The following TNR variants were observed in gnomAD, a reference collection of about 807,000 sequenced individuals.
The protein encoded by TNR is tenascin R, also known as tenascin-R.
A neutral mutation model predicts 150.4 loss-of-function variants in TNR; 45 were observed. The observed-to-expected ratio is 0.30, with a 90% CI of 0.24 to 0.38. The LOEUF is 0.38. TNR is among the 10% of genes least tolerant of loss of function. TNR has a pLI of 1.00. For missense variants in TNR, 1,544 were observed against 1,759.1 expected (o/e 0.88, Z 2.19); for synonymous variants, 687 against 678.4 (o/e 1.01, Z -0.20).
At position 175,692,344 on chromosome 1, in the gene TNR, G is replaced by A. The variant is rs138821535; in HGVS notation, c.-165+50882C>T. Among the ~76,000 whole-genome samples, 35 of 152,320 alleles carry A rather than the reference G, an allele frequency of 2.3e-4. 1 individual carries two copies. The highest frequency in any genetic ancestry group is 1.9e-4 in the Non-Finnish European group (13 of 68,036). On this transcript the variant is annotated intron_variant, in intron 1 of 22. Coordinates refer to ENST00000367674, the MANE Select transcript of TNR (RefSeq NM_003285.3). Reference sequence around the variant, plus strand: ...AGACATGGCCCTGGCTGGACCTCCAGAGAGGAGGCACAGGGGCCATCTGGG... The same window carrying A: ...AGACATGGCCCTGGCTGGACCTCCAAAGAGGAGGCACAGGGGCCATCTGGG...
chr1:175,728,613 T>C (rs1667543928), intron 1 of TNR, among the ~76,000 whole-genome samples: 1 of 152,212 alleles, frequency 6.6e-6, no homozygotes, highest in South Asian at 2.1e-4. Flanking sequence ...TTTCCATAAG[T>C]GCTACCACCT....
rs559963321 is a variant in TNR, at chr1:175,592,944, G to A, written c.-164-64575C>T. Reference sequence around the variant, plus strand: ...GGTTTTTCTGGGACTTCTGATTGAAGTGTAGAGCTGTTGTTTTGGTGGGTA... The same window carrying A: ...GGTTTTTCTGGGACTTCTGATTGAAATGTAGAGCTGTTGTTTTGGTGGGTA... On this transcript the variant is annotated intron_variant, in intron 1 of 22. Coordinates refer to ENST00000367674, the MANE Select transcript of TNR (RefSeq NM_003285.3). Among the ~76,000 whole-genome samples, 3 of 152,356 alleles carry A rather than the reference G, an allele frequency of 2.0e-5. No homozygotes were observed. The East Asian group carries it at 5.8e-4, about 29-fold the overall frequency.
At chr1:175,513,392 T>C (rs140070092) in intron 2 of TNR, among the ~76,000 whole-genome samples, 6 of 152,258 alleles carry the variant, frequency 3.9e-5, no homozygotes, top group African/African-American at 1.4e-4. Flanking sequence ...TAGTCTAGGT[T>C]CTTCTTCTTC....
chr1:175,666,252 A>T (rs935739610), intron 1 of TNR, among the ~76,000 whole-genome samples: 2 of 152,168 alleles, frequency 1.3e-5, no homozygotes, highest in Admixed American at 1.3e-4. Flanking sequence ...TTAAGATGGG[A>T]CATTGCCTGG....
intron 2 of TNR, among the ~76,000 whole-genome samples, chr1:175,409,271 A>T (rs1654099466): frequency 6.6e-6 from 1 of 152,208 alleles, no homozygotes; most frequent in African/African-American, 2.4e-5. Flanking sequence ...TTCTTCTGGG[A>T]ATTGGAAAAT....
chr1:175,400,081 G>T (rs1237481203), intron 4 of TNR, among the ~76,000 whole-genome samples: 2 of 152,178 alleles, frequency 1.3e-5, no homozygotes, highest in Non-Finnish European at 2.9e-5. Context: ...GTTTTGGCCA[G>T]CTCCCTGGCC....
intron 2 of TNR, among the ~76,000 whole-genome samples, chr1:175,457,144 C>T (rs1049917422): frequency 1.3e-5 from 2 of 152,188 alleles, no homozygotes; most frequent in African/African-American, 4.8e-5. Flanking sequence ...TAACTTTTCC[C>T]CTGTCTGTGC....
chr1:175,452,249 G>T (rs1053217762), intron 2 of TNR, among the ~76,000 whole-genome samples: 3 of 152,262 alleles, frequency 2.0e-5, no homozygotes, highest in Admixed American at 6.5e-5. Context: ...CCTCCTGTGT[G>T]CAGGCACTGT....
intron 1 of TNR, among the ~76,000 whole-genome samples, chr1:175,713,128 A>C (rs1012903362): frequency 2.0e-5 from 3 of 152,194 alleles, no homozygotes; most frequent in African/African-American, 4.8e-5. Context: ...GGGATCAACC[A>C]AGGTAAGTCT....
intron 1 of TNR, among the ~76,000 whole-genome samples, chr1:175,565,206 G>A (rs1661593673): frequency 6.6e-6 from 1 of 152,156 alleles, no homozygotes; most frequent in Non-Finnish European, 1.5e-5. Context: ...TGTTTCTGAG[G>A]GTGCTGTCTT....
intron 2 of TNR, among the ~76,000 whole-genome samples, chr1:175,518,671 A>T (rs564988046): frequency 1.3e-5 from 2 of 152,026 alleles, no homozygotes; most frequent in East Asian, 3.8e-4. Flanking sequence ...TTTTCCCCCC[A>T]TTCTGTAGTC....
intron 18 of TNR, among the ~76,000 whole-genome samples, chr1:175,340,529 T>G (rs968373216): frequency 2.0e-5 from 3 of 152,338 alleles, no homozygotes; most frequent in African/African-American, 7.2e-5. Flanking sequence ...TTCCTTTTTT[T>G]GCAGACAAGA....
intron 1 of TNR, among the ~76,000 whole-genome samples, chr1:175,694,414 C>T (rs1237441134): frequency 1.3e-5 from 2 of 152,168 alleles, no homozygotes; most frequent in African/African-American, 2.4e-5. Flanking sequence ...TCAATCTATC[C>T]AAAGTCCTAT....
At chr1:175,347,089 A>G (rs1427764159) in intron 18 of TNR, among the ~76,000 whole-genome samples, 2 of 152,198 alleles carry the variant, frequency 1.3e-5, no homozygotes, top group Non-Finnish European at 2.9e-5. Flanking sequence ...CTAACCATAT[A>G]TAACAGTGCA....
chr1:175,736,041 T>C (rs1338963572), intron 1 of TNR, among the ~76,000 whole-genome samples: 2 of 152,156 alleles, frequency 1.3e-5, no homozygotes, highest in East Asian at 3.9e-4. Flanking sequence ...GAGGAGCATA[T>C]AAAATTCGGG....
chr1:175,492,569 C>T lies in TNR; in HGVS notation c.-64+35700G>A, dbSNP rs908089148. ...GTCACAGAGTTCCCATCCCCAAAGG[C>T]AGGTGTGTGTCAAGGCCTAAGTTGA... On this transcript the variant is annotated intron_variant, in intron 2 of 22. Coordinates refer to ENST00000367674, the MANE Select transcript of TNR (RefSeq NM_003285.3). Among the ~76,000 whole-genome samples, 6 of 152,264 alleles carry T rather than the reference C, an allele frequency of 3.9e-5. No individual in the cohort carries two copies. In the East Asian group the frequency reaches 7.7e-4, roughly 20 times the overall value.
chr1:175,724,186 T>C (rs957935925), intron 1 of TNR, among the ~76,000 whole-genome samples: 5 of 152,174 alleles, frequency 3.3e-5, no homozygotes, highest in Non-Finnish European at 7.3e-5. Flanking sequence ...CTGGGTAATT[T>C]ATAAAGAAAA....
In TNR at chr1:175,590,699, G is replaced by C. The variant is rs76023221; in HGVS notation, c.-164-62330C>G. Among the ~76,000 whole-genome samples the C allele has an allele frequency of 8.1e-3, 1,236 of 152,378 alleles. 17 individuals carry two copies. The highest frequency in any genetic ancestry group is 0.027 in the African/African-American group (1,115 of 41,584). On this transcript the variant is annotated intron_variant, in intron 1 of 22. Coordinates refer to ENST00000367674, the MANE Select transcript of TNR (RefSeq NM_003285.3). Reference sequence around the variant, plus strand: ...AGGGCATTCTAGGCCAAAGGACAGCGTGGGCTAAGGTGAGGAGAACTGCAA... The same window carrying C: ...AGGGCATTCTAGGCCAAAGGACAGCCTGGGCTAAGGTGAGGAGAACTGCAA...
At chr1:175,631,226 G>T (rs1664316403) in intron 1 of TNR, among the ~76,000 whole-genome samples, 1 of 152,164 alleles carries the variant, frequency 6.6e-6, no homozygotes, top group Non-Finnish European at 1.5e-5. Flanking sequence ...TGCATATATA[G>T]GAATATTTCT....
Sources: gnomAD v4.1 joint callset for allele counts (sites outside exome capture counted in the v4.1 genomes callset) on GRCh38, gnomAD v4.1.1 for gene constraint, MANE v1.5 for transcripts, NCBI Gene and HGNC (gene_info 2026-07-23, HGNC 2026-07-21) for gene names.